Variants in TMEM156 observed in about 807,000 individuals in gnomAD.
TMEM156 encodes transmembrane protein 156.
A neutral mutation model predicts 30.5 loss-of-function variants in TMEM156; 28 were observed. The ratio of observed to expected loss-of-function variants is 0.92; its 90% CI spans 0.68 to 1.26. TMEM156 has a LOEUF of 1.26. Ranked by LOEUF, TMEM156 falls within the 50% of genes most tolerant of loss-of-function variation. The probability of loss-of-function intolerance (pLI) is 0.00; values close to 1 mark genes in which losing one functional copy is unlikely to be tolerated. For synonymous variants in TMEM156, 137 were observed against 119.9 expected, an observed-to-expected ratio of 1.14 and a Z score of -0.93; for missense variants, 351 against 340.6, an observed-to-expected ratio of 1.03 and a Z score of -0.24.
At chr4:38,980,562 C>T (rs928143436) in intron 5 of TMEM156, among the ~76,000 whole-genome samples, 7 of 152,126 alleles carry the variant, frequency 4.6e-5, no homozygotes, top group African/African-American at 1.7e-4. Context: ...CCAACTGGCT[C>T]ATGGGAGAAA....
At chr4:38,974,169 AT>A (rs1465905801) in intron 5 of TMEM156, among the ~76,000 whole-genome samples, 1 of 147,118 alleles carries the variant, frequency 6.8e-6, no homozygotes, top group Non-Finnish European at 1.5e-5. Context: ...CACAAGTAAG[AT>A]TTCTCAATGA....
At chr4:38,976,158 G>A (rs1226113840) in intron 5 of TMEM156, among the ~76,000 whole-genome samples, 11 of 151,882 alleles carry the variant, frequency 7.2e-5, no homozygotes, top group East Asian at 1.9e-4. Flanking sequence ...ATGGTGGTGC[G>A]TGCCTGTAAT....
intron 1 of TMEM156, among the ~76,000 whole-genome samples, chr4:39,018,887 G>A (rs1299819684): frequency 6.6e-6 from 1 of 152,014 alleles, no homozygotes; most frequent in Non-Finnish European, 1.5e-5. Flanking sequence ...TGGGTGTGGT[G>A]GTGGGCTCCT....
intron 2 of TMEM156, among the ~76,000 whole-genome samples, chr4:38,996,406 CA>C (rs57823248): frequency 0.064 from 7,436 of 116,932 alleles, 540 homozygotes; most frequent in African/African-American, 0.19. Context: ...ACTAAAAATA[CA>C]AAAAAAAAAA....
intron 5 of TMEM156, among the ~76,000 whole-genome samples, chr4:38,982,985 G>A (rs1036104440): frequency 1.7e-4 from 26 of 152,272 alleles, no homozygotes; most frequent in African/African-American, 6.3e-4. Flanking sequence ...CCTGGCACCT[G>A]GAGTACCACT....
At chr4:38,989,089 T>C (rs1047995846) in intron 3 of TMEM156, 119 bp from the exon 4 acceptor site, 60 of 954,756 alleles carry the variant, frequency 6.3e-5, no homozygotes, top group Middle Eastern at 3.4e-4. Flanking sequence ...GCTGAAATTA[T>C]GACCATCACT....
At chr4:38,972,640 T>A (rs1356636043) in intron 5 of TMEM156, among the ~76,000 whole-genome samples, 4 of 151,874 alleles carry the variant, frequency 2.6e-5, no homozygotes, top group African/African-American at 9.7e-5. Context: ...TGGCACATAG[T>A]AGGCTCACAC....
intron 1 of TMEM156, among the ~76,000 whole-genome samples, chr4:39,025,047 CTT>C (rs1560387644): frequency 1.3e-5 from 2 of 151,966 alleles, no homozygotes; most frequent in African/African-American, 2.4e-5. Flanking sequence ...ACAGGTCTGC[CTT>C]CTTTAACAGT....
intron 5 of TMEM156, among the ~76,000 whole-genome samples, chr4:38,980,138 T>C (rs948252039): frequency 3.9e-5 from 4 of 101,974 alleles, no homozygotes; most frequent in Non-Finnish European, 8.2e-5. Context: ...AATGTGAAAA[T>C]AAAATGAGGA....
In TMEM156 at chr4:38,993,968, T is replaced by G. The variant is rs768872774; in HGVS notation, c.389A>C (p.Lys130Thr). 19 of 1,613,916 alleles carry G rather than the reference T, an allele frequency of 1.2e-5. No individual in the cohort carries two copies. Among genetic ancestry groups the G allele is most frequent in the Middle Eastern group, 1.7e-4 (1 of 6,058 alleles). ...VLIRRGSMEV[K>T]ANDFHSPCQH... The stretch of plus-strand genomic sequence containing the variant: ...ACAAGGTGAATGAAAATCATTTGCT[T>G]TCACTTCCATTGATCCTCTCCTGAT... Residue 130 changes from lysine (K) to threonine (T), a missense_variant, in exon 3 of 7, where the codon AAA becomes ACA. Transcript: ENST00000381938.
intron 1 of TMEM156, among the ~76,000 whole-genome samples, chr4:39,008,845 G>A (rs933576933): frequency 1.3e-5 from 2 of 152,002 alleles, no homozygotes; most frequent in African/African-American, 4.8e-5. Flanking sequence ...CATACACCTA[G>A]AGGAACTAAA....
chr4:39,021,237 T>A (rs974229751), intron 1 of TMEM156, among the ~76,000 whole-genome samples: 4 of 150,898 alleles, frequency 2.7e-5, no homozygotes, highest in Admixed American at 2.0e-4. Context: ...ACCCCGTCTC[T>A]ACAAAAAAAA....
At chr4:38,968,376 A>C (rs569603574) in intron 6 of TMEM156, among the ~76,000 whole-genome samples, 3 of 152,180 alleles carry the variant, frequency 2.0e-5, no homozygotes, top group Non-Finnish European at 2.9e-5. Context: ...GAGTCTCTCT[A>C]TCGTGCTCCC....
At chr4:39,015,243 C>T (rs1032186027) in intron 1 of TMEM156, among the ~76,000 whole-genome samples, 1 of 152,034 alleles carries the variant, frequency 6.6e-6, no homozygotes, top group African/African-American at 2.4e-5. Flanking sequence ...ATTCCTGGAA[C>T]CTGTAAATAT....
At chr4:38,996,604 G>A (rs67966727) in intron 2 of TMEM156, among the ~76,000 whole-genome samples, 36,013 of 151,852 alleles carry the variant, frequency 0.24, 4,674 homozygotes, top group East Asian at 0.44. Flanking sequence ...AAACATAAGC[G>A]TTGGCAAAAA....
intron 5 of TMEM156, chr4:38,981,047 G>A (rs1483371832): frequency 1.8e-6 from 1 of 564,776 alleles, no homozygotes; most frequent in Admixed American, 6.3e-5. Flanking sequence ...CCAAGCAGAT[G>A]GCTGTAACCT....
chr4:38,994,626 C>T (rs1026188532), intron 2 of TMEM156, among the ~76,000 whole-genome samples: 2 of 152,094 alleles, frequency 1.3e-5, no homozygotes, highest in Non-Finnish European at 2.9e-5. Flanking sequence ...GCTGCTGTAA[C>T]AAAGTACCAT....
intron 6 of TMEM156, among the ~76,000 whole-genome samples, chr4:38,970,774 A>T (rs1023287116): frequency 4.6e-5 from 7 of 152,208 alleles, no homozygotes; most frequent in Non-Finnish European, 8.8e-5. Context: ...GGGCCAAGGG[A>T]TAAGCTATCA....
intron 5 of TMEM156, among the ~76,000 whole-genome samples, chr4:38,980,019 C>T (rs540937691): frequency 2.6e-5 from 4 of 152,156 alleles, no homozygotes; most frequent in South Asian, 2.1e-4. Flanking sequence ...CAATTATGGC[C>T]GCTTAAAATA....
Sources: gnomAD v4.1 joint callset for allele counts (sites outside exome capture counted in the v4.1 genomes callset) on GRCh38, gnomAD v4.1.1 for gene constraint, MANE v1.5 for transcripts, NCBI Gene and HGNC (gene_info 2026-07-23, HGNC 2026-07-21) for gene names.